The following SLC27A1 variants were observed in gnomAD, a reference collection of about 807,000 sequenced individuals.
SLC27A1 encodes solute carrier family 27 member 1.
Under a neutral mutation model 62.2 loss-of-function variants are expected in SLC27A1, and 61 were observed. That is an observed-to-expected ratio of 0.98 (90% CI 0.80 to 1.21). SLC27A1 has a LOEUF of 1.21. Among genes scored for constraint, SLC27A1 ranks in the 50% most tolerant of loss-of-function variants. The pLI, the probability that SLC27A1 is intolerant of heterozygous loss-of-function variation, is 0.00. For synonymous variants in SLC27A1, 435 were observed against 408.6 expected (o/e 1.06, Z -0.78); for missense variants, 903 against 932.1 (o/e 0.97, Z 0.41).
chr19:17,486,906 C>T lies in SLC27A1; in HGVS notation c.511C>T (p.Leu171=). Residue 171 remains leucine, a synonymous_variant, in exon 2 of 12, where the codon CTG becomes TTG. Transcript: ENST00000252595. The surrounding 1 kb of genome is among the most constrained non-coding windows in gnomAD (Gnocchi z 6.6). The stretch of plus-strand genomic sequence containing the variant: ...GCGGCGCGAGCCCCTGGCCTTCTGC[C>T]TGGGCACCTCGGGCGCTAAGGCCCT... ...NLRREPLAFC[L]GTSGAKALIF... 1 of 1,591,980 alleles carries T rather than the reference C, an allele frequency of 6.3e-7. No homozygotes were observed. Among genetic ancestry groups the T allele is most frequent in the Non-Finnish European group, 8.5e-7 (1 of 1,176,260 alleles).
rs1399262800 is a variant in SLC27A1, at chr19:17,486,345, A to G, written c.168-218A>G. Among the ~76,000 whole-genome samples the G allele has an allele frequency of 6.6e-6, 1 of 152,132 alleles. No homozygotes were observed. The highest frequency in any genetic ancestry group is 6.5e-5 in the Admixed American group (1 of 15,270). On this transcript the variant is annotated intron_variant, in intron 1 of 11. Coordinates refer to ENST00000252595, the MANE Select transcript of SLC27A1 (RefSeq NM_198580.3). The surrounding 1 kb of genome is among the most constrained non-coding windows in gnomAD (Gnocchi z 6.6). The stretch of plus-strand genomic sequence containing the variant: ...CTGGGGTATGGGGGAGGACAGGGTG[A>G]CTGGTTTATTACGCTTTGAGAATCT...
At chr19:17,477,894 C>T (rs937248334) in intron 1 of SLC27A1, among the ~76,000 whole-genome samples, 2 of 151,762 alleles carry the variant, frequency 1.3e-5, no homozygotes, top group Admixed American at 1.3e-4. Flanking sequence ...ATTATTTTAA[C>T]ATAGAGATGA....
At chr19:17,487,054 C>G (rs1367576162) in intron 2 of SLC27A1, 97 bp downstream of exon 2, 8 of 1,559,164 alleles carry the variant, frequency 5.1e-6, no homozygotes, top group Non-Finnish European at 6.9e-6. Flanking sequence ...AGGCGGCCGC[C>G]CTGGACGTGG....
chr19:17,500,123 C>G (rs895597394), intron 7 of SLC27A1, among the ~76,000 whole-genome samples, 155 bp from the exon 8 acceptor site: 11 of 152,188 alleles, frequency 7.2e-5, no homozygotes, highest in African/African-American at 2.7e-4. Context: ...GGAGGCGACG[C>G]TTACTACCCT....
intron 1 of SLC27A1, among the ~76,000 whole-genome samples, chr19:17,471,875 ACT>A (rs1451918410): frequency 1.3e-5 from 2 of 152,134 alleles, no homozygotes; most frequent in Admixed American, 6.5e-5. Flanking sequence ...CAGAAGGAAG[ACT>A]CAGCCCCTAG....
At chr19:17,496,907 C>A in intron 6 of SLC27A1, 1 of 206,714 alleles carries the variant, frequency 4.8e-6, no homozygotes, top group Non-Finnish European at 9.7e-6. Context: ...TCTGTAGTCC[C>A]AGCTACTCGG....
In SLC27A1 at chr19:17,504,435, G is replaced by A; in HGVS notation, c.1784-20G>A. 1 of 1,613,800 alleles carries A rather than the reference G, an allele frequency of 6.2e-7. No individual in the cohort carries two copies. Among genetic ancestry groups the A allele is most frequent in the Non-Finnish European group, 8.5e-7 (1 of 1,179,940 alleles). ...GAAGCCACCTGCTCAGCCCTTATCT[G>A]CCCCCCATCCCCACTATAGGCACCT... On this transcript the variant is annotated intron_variant, in intron 11 of 11. Coordinates refer to ENST00000252595, the MANE Select transcript of SLC27A1 (RefSeq NM_198580.3).
intron 6 of SLC27A1, among the ~76,000 whole-genome samples, chr19:17,494,974 G>T (rs2075333769): frequency 1.6e-5 from 1 of 63,156 alleles, no homozygotes; most frequent in South Asian, 3.7e-4. Flanking sequence ...AAAAATCCTT[G>T]CCTTTTTTTT....
intron 11 of SLC27A1, chr19:17,503,414 T>C (rs1170599682): frequency 6.6e-6 from 1 of 152,186 alleles, no homozygotes; most frequent in Non-Finnish European, 1.5e-5. Flanking sequence ...CCATAGACAA[T>C]GTGCAAATGA....
At chr19:17,488,387 C>G (rs116318994) in intron 4 of SLC27A1, among the ~76,000 whole-genome samples, 31 of 152,240 alleles carry the variant, frequency 2.0e-4, no homozygotes, top group African/African-American at 7.5e-4. Flanking sequence ...AAACAAAAAC[C>G]CTCTCTCAGT....
At chr19:17,484,331 C>T (rs74809003) in intron 1 of SLC27A1, among the ~76,000 whole-genome samples, 6,203 of 152,238 alleles carry the variant, frequency 0.041, 409 homozygotes, top group African/African-American at 0.14. Context: ...CGGTGGCCCA[C>T]GCCTGTAATC....
At chr19:17,483,872 G>C (rs948173221) in intron 1 of SLC27A1, 4 of 152,974 alleles carry the variant, frequency 2.6e-5, no homozygotes, top group African/African-American at 7.2e-5. Flanking sequence ...ACTCCCTTTT[G>C]CCTCACCAGG....
intron 4 of SLC27A1, 59 bp downstream of exon 4, chr19:17,487,588 C>A: frequency 6.5e-7 from 1 of 1,529,654 alleles, no homozygotes; most frequent in Non-Finnish European, 8.9e-7. Flanking sequence ...GCTATCTTGC[C>A]AGCCTGACCT....
intron 1 of SLC27A1, among the ~76,000 whole-genome samples, chr19:17,475,733 C>T (rs946497197): frequency 6.6e-6 from 1 of 152,170 alleles, no homozygotes; most frequent in Admixed American, 6.6e-5. Flanking sequence ...CAGCACCCTG[C>T]CCTGACTCTC....
rs1373773540 is a variant in SLC27A1 at position 17,486,812 on chromosome 19, G to A, written c.417G>A (p.Pro139=). 1.3e-6 allele frequency: 2 copies of A among 1,595,336 alleles called. No homozygotes were observed. The highest frequency in any genetic ancestry group is 8.5e-7 in the Non-Finnish European group (1 of 1,173,540). ...DVVAIFLEGR[P]EFVGLWLGLA... ...TGGCCATCTTCCTGGAGGGCCGGCC[G>A]GAGTTCGTGGGGCTGTGGCTGGGCC... Residue 139 remains proline (P), a synonymous_variant, in exon 2 of 12, where the codon CCG becomes CCA. Transcript: ENST00000252595. This position sits in a 1 kb window ranked among gnomAD's most constrained non-coding sequence, Gnocchi z 6.6.
rs551652220 is a variant in SLC27A1 at position 17,476,757 on chromosome 19, G to A, written c.167+6050G>A. On this transcript the variant is annotated intron_variant, in intron 1 of 11. Transcript: ENST00000252595. Reference sequence around the variant, plus strand: ...CTTGGGCGTGTCCATTCCCCACTCCGAGCCCCCAGTTCATTCATTATTTGA... The same window carrying A: ...CTTGGGCGTGTCCATTCCCCACTCCAAGCCCCCAGTTCATTCATTATTTGA... Among the ~76,000 whole-genome samples, 37 of 152,114 alleles carry A rather than the reference G, an allele frequency of 2.4e-4. No homozygotes were observed. In the South Asian group the frequency reaches 7.1e-3, roughly 29 times the overall value.
intron 4 of SLC27A1, chr19:17,488,613 A>C (rs1599655810): frequency 1.7e-6 from 1 of 590,154 alleles, no homozygotes; most frequent in East Asian, 2.8e-5. Flanking sequence ...GGATCCCCCA[A>C]CCCCCCTGGC....
intron 6 of SLC27A1, among the ~76,000 whole-genome samples, chr19:17,492,054 C>G (rs961131723): frequency 6.6e-6 from 1 of 151,952 alleles, no homozygotes; most frequent in Non-Finnish European, 1.5e-5. Context: ...GGGACGTGTC[C>G]TGTGCATTGT....
chr19:17,471,782 G>GC (rs564017285), intron 1 of SLC27A1, among the ~76,000 whole-genome samples: 2 of 152,106 alleles, frequency 1.3e-5, no homozygotes, highest in African/African-American at 2.4e-5. Flanking sequence ...ATGGCCCCCT[G>GC]CCCCCGGCTC....
Sources: gnomAD v4.1 joint callset for allele counts (sites outside exome capture counted in the v4.1 genomes callset) on GRCh38, gnomAD v4.1.1 for gene constraint, Gnocchi (gnomAD v3.1) non-coding constraint, MANE v1.5 for transcripts, NCBI Gene and HGNC (gene_info 2026-07-23, HGNC 2026-07-21) for gene names.